GHR: variants seen among roughly 807,000 people sequenced by gnomAD.
GHR encodes the protein growth hormone receptor, also known as GH receptor.
In GHR, 35 loss-of-function variants were observed where a neutral mutation model predicts 67.1. The observed-to-expected ratio is 0.52, with a 90% CI of 0.40 to 0.69. The LOEUF is 0.69. Ranked by LOEUF, GHR falls within the 30% of genes least tolerant of loss-of-function variation. The pLI is 0.00. For missense variants in GHR, 792 were observed against 764.6 expected, an observed-to-expected ratio of 1.04 and a Z score of -0.42; for synonymous variants, 272 against 269.1, an observed-to-expected ratio of 1.01 and a Z score of -0.10.
rs1753594241 is a variant in GHR, at chr5:42,624,288, T to A, written c.71-4750T>A. On this transcript the variant is annotated intron_variant, in intron 2 of 9. Transcript: ENST00000230882. ...CATTTCCAGGCCAGAGCTTTGGCTCTGCACTCTCCTTAGGATCTCATAACT... is the reference window on the plus strand; with the variant it reads ...CATTTCCAGGCCAGAGCTTTGGCTCAGCACTCTCCTTAGGATCTCATAACT... Among the ~76,000 whole-genome samples the A allele has an allele frequency of 2.0e-5, 3 of 152,300 alleles. No individual in the cohort carries two copies. The South Asian group carries it at 6.2e-4, about 32-fold the overall frequency.
At chr5:42,500,494 T>C (rs189381849) in intron 1 of GHR, among the ~76,000 whole-genome samples, 4 of 152,370 alleles carry the variant, frequency 2.6e-5, no homozygotes, top group Admixed American at 2.6e-4. Flanking sequence ...AAATCAATAC[T>C]GTGGGGCAAA....
intron 2 of GHR, among the ~76,000 whole-genome samples, chr5:42,624,649 T>TA (rs1753611648): frequency 6.6e-6 from 1 of 152,120 alleles, no homozygotes; most frequent in African/African-American, 2.4e-5. Context: ...CCTTTCACTT[T>TA]GTTATTATTT....
rs558786965 is a variant in GHR at position 42,424,665 on chromosome 5, C to G, written c.-12+710C>G. ...ACACACTAGTGGTTGTAAAATCAAC[C>G]AGGCTTAAAGTTTTGACAGAACTGC... is the stretch of plus-strand genomic sequence containing the variant. On this transcript the variant is annotated intron_variant, in intron 1 of 9. Coordinates refer to ENST00000230882, the MANE Select transcript of GHR (RefSeq NM_000163.5). This position sits in a 1 kb window ranked among gnomAD's most constrained non-coding sequence, Gnocchi z 4.1. 3.3e-5 allele frequency: 47 copies of G among 1,424,794 alleles called. No homozygotes were observed. The African/African-American group carries it at 5.3e-4, about 16-fold the overall frequency. 88.3% of individuals were successfully genotyped at this position (1,424,794 alleles called of 1,614,324 possible).
At chr5:42,698,343 G>C (rs1436814545) in intron 5 of GHR, among the ~76,000 whole-genome samples, 1 of 152,104 alleles carries the variant, frequency 6.6e-6, no homozygotes, top group African/African-American at 2.4e-5. Flanking sequence ...TAAGTAATGA[G>C]TTATAGAAAA....
At chr5:42,697,052 G>A (rs1186438833) in intron 5 of GHR, among the ~76,000 whole-genome samples, 10 of 152,194 alleles carry the variant, frequency 6.6e-5, no homozygotes. Flanking sequence ...GATGATCAAG[G>A]TAAAAGATTA....
chr5:42,621,759 C>A (rs1382741353), intron 2 of GHR, among the ~76,000 whole-genome samples: 2 of 152,118 alleles, frequency 1.3e-5, no homozygotes, highest in Non-Finnish European at 2.9e-5. Flanking sequence ...CCACCAGCAC[C>A]ATTTCACAGT....
chr5:42,446,833 ATACTT>A (rs1483474171), intron 1 of GHR, among the ~76,000 whole-genome samples: 1 of 152,192 alleles, frequency 6.6e-6, no homozygotes, highest in African/African-American at 2.4e-5. Context: ...TGTGAAGAGA[ATACTT>A]AAAGTGCAGA....
In GHR at chr5:42,424,219, TCTG is replaced by T. The variant is rs1298487616; in HGVS notation, c.-12+265_-12+267del. On this transcript the variant is annotated intron_variant, in intron 1 of 9. Transcript: ENST00000230882. The surrounding 1 kb of genome is among the most constrained non-coding windows in gnomAD (Gnocchi z 4.1). ...GTGTGTGTGTGTGTGTGTGTGTGTG[TCTG>T]GAAGTTGGTGAGGGCGGCAGGGAGT... is the stretch of plus-strand genomic sequence containing the variant. Among the ~76,000 whole-genome samples the T allele has an allele frequency of 1.4e-5, 2 of 142,768 alleles. No homozygotes were observed. The highest frequency in any genetic ancestry group is 1.4e-4 in the Admixed American group (2 of 14,252). 93.7% of individuals were successfully genotyped at this position (142,768 alleles called of 152,430 possible). A position where few individuals can be genotyped will look rare whatever the true frequency, so the allele number is the denominator to read the frequency against.
At chr5:42,499,560 T>G (rs1746452690) in intron 1 of GHR, among the ~76,000 whole-genome samples, 1 of 152,116 alleles carries the variant, frequency 6.6e-6, no homozygotes, top group Admixed American at 6.5e-5. Flanking sequence ...CATGACAAAG[T>G]TGTTGTTGTT....
intron 1 of GHR, among the ~76,000 whole-genome samples, chr5:42,534,210 A>ATATG (rs1748125381): frequency 1.2e-5 from 1 of 81,872 alleles, no homozygotes; most frequent in African/African-American, 6.0e-5. Context: ...ATATATGTAT[A>ATATG]TATGTATATA....
chr5:42,677,354 C>T (rs1324549439), intron 3 of GHR, among the ~76,000 whole-genome samples: 3 of 152,154 alleles, frequency 2.0e-5, no homozygotes, highest in South Asian at 2.1e-4. Context: ...ACAGTATCTG[C>T]GTGAGTGTGG....
At chr5:42,619,176 C>T (rs1753315186) in intron 2 of GHR, among the ~76,000 whole-genome samples, 1 of 152,042 alleles carries the variant, frequency 6.6e-6, no homozygotes, top group African/African-American at 2.4e-5. Context: ...AATTCCAGCT[C>T]ACTGGGGTCT....
intron 5 of GHR, 103 bp from the exon 6 acceptor site, chr5:42,699,721 A>T: frequency 1.2e-6 from 1 of 802,344 alleles, no homozygotes; most frequent in Non-Finnish European, 2.3e-6. Context: ...AAGAGCATGA[A>T]TGATCAAAAA....
At chr5:42,614,713 C>A (rs894490679) in intron 2 of GHR, among the ~76,000 whole-genome samples, 1 of 151,638 alleles carries the variant, frequency 6.6e-6, no homozygotes, top group African/African-American at 2.4e-5. Flanking sequence ...TTAACATTAG[C>A]AATTTAACAT....
rs546486907 is a variant in GHR at position 42,685,573 on chromosome 5, G to A, written c.137-3317G>A. 1.8e-3 allele frequency among the ~76,000 whole-genome samples: 271 copies of A among 152,250 alleles called. 1 individual carries two copies. The highest frequency in any genetic ancestry group is 6.2e-3 in the African/African-American group (256 of 41,538). ...ACACTCCCACCAACAGTGTAAAAGC[G>A]TTCCTATTTCTCCACATCCTCTCCA... On this transcript the variant is annotated intron_variant, in intron 3 of 9. Coordinates refer to ENST00000230882, the MANE Select transcript of GHR (RefSeq NM_000163.5).
intron 3 of GHR, among the ~76,000 whole-genome samples, chr5:42,637,423 C>G (rs1754254318): frequency 6.6e-6 from 1 of 152,092 alleles, no homozygotes; most frequent in Non-Finnish European, 1.5e-5. Flanking sequence ...GAGCATATTA[C>G]TTGATGTTTT....
chr5:42,660,149 C>T (rs1355910949), intron 3 of GHR, among the ~76,000 whole-genome samples: 3 of 152,190 alleles, frequency 2.0e-5, no homozygotes, highest in South Asian at 2.1e-4. Context: ...AGGAGGCCTG[C>T]CTGCCTCTGT....
intron 3 of GHR, among the ~76,000 whole-genome samples, chr5:42,658,510 G>GT (rs1755381887): frequency 6.6e-6 from 1 of 152,164 alleles, no homozygotes; most frequent in South Asian, 2.1e-4. Context: ...TGGTTAAAAA[G>GT]AACTTTTATC....
At chr5:42,617,647 G>T (rs568181141) in intron 2 of GHR, among the ~76,000 whole-genome samples, 2 of 152,038 alleles carry the variant, frequency 1.3e-5, no homozygotes, top group Non-Finnish European at 2.9e-5. Flanking sequence ...TCCCACATTC[G>T]ATCAGGGAAT....
Sources: gnomAD v4.1 joint callset for allele counts (sites outside exome capture counted in the v4.1 genomes callset) on GRCh38, gnomAD v4.1.1 for gene constraint, Gnocchi (gnomAD v3.1) non-coding constraint, MANE v1.5 for transcripts, NCBI Gene and HGNC (gene_info 2026-07-23, HGNC 2026-07-21) for gene names.